The following CCDC13 variants were observed in gnomAD, a reference collection of about 807,000 sequenced individuals.
CCDC13 encodes the protein coiled-coil domain-containing protein 13.
Under a neutral mutation model 87.3 loss-of-function variants are expected in CCDC13, and 70 were observed. The observed-to-expected ratio is 0.80, with a 90% CI of 0.66 to 0.98. CCDC13 has a LOEUF of 0.98. Ranked by LOEUF, CCDC13 falls within the 50% of genes least tolerant of loss-of-function variation. The pLI is 0.00. For synonymous variants in CCDC13, 317 were observed against 360.3 expected (o/e 0.88, Z 1.36); for missense variants, 842 against 892.0 (o/e 0.94, Z 0.71).
chr3:42,756,621 C>T (rs551916535), intron 3 of CCDC13, among the ~76,000 whole-genome samples: 3 of 151,770 alleles, frequency 2.0e-5, no homozygotes, highest in African/African-American at 7.2e-5. Context: ...ATCTCTGTTG[C>T]CCAGGGTTCA....
intron 1 of CCDC13, among the ~76,000 whole-genome samples, chr3:42,770,116 T>C (rs1474016075): frequency 6.6e-6 from 1 of 152,218 alleles, no homozygotes; most frequent in Non-Finnish European, 1.5e-5. Flanking sequence ...TGGGTGAACC[T>C]AGCTGGGCTC....
chr3:42,747,021 T>G, intron 6 of CCDC13: 1 of 624,696 alleles, frequency 1.6e-6, no homozygotes, highest in Admixed American at 2.2e-5. Context: ...CAAGGGCAGG[T>G]ATGCTGCGGG....
chr3:42,746,090 C>T, intron 6 of CCDC13, 63 bp from the exon 7 acceptor site: 1 of 1,191,246 alleles, frequency 8.4e-7, no homozygotes. Flanking sequence ...CCTGATGCTG[C>T]TACGTATTTA....
At chr3:42,725,533 C>CAAAAAAA (rs56224625) in intron 13 of CCDC13, among the ~76,000 whole-genome samples, 2 of 91,496 alleles carry the variant, frequency 2.2e-5, no homozygotes, top group Admixed American at 1.2e-4. Context: ...GACCCTGTCT[C>CAAAAAAA]AAAAAAAAAA....
intron 13 of CCDC13, among the ~76,000 whole-genome samples, chr3:42,721,711 T>C (rs923923647): frequency 1.3e-5 from 2 of 152,268 alleles, no homozygotes; most frequent in African/African-American, 4.8e-5. Context: ...AAATCTGTTT[T>C]CTTTTGCAAC....
At chr3:42,758,062 T>TACGTAC (rs1699742679) in intron 2 of CCDC13, 63 bp downstream of exon 2, 7 of 997,628 alleles carry the variant, frequency 7.0e-6, no homozygotes, top group Admixed American at 2.1e-5. Context: ...GCTCCGGTGG[T>TACGTAC]ACACACACAC....
At chr3:42,711,013 A>AG (rs1444298676) in intron 14 of CCDC13, among the ~76,000 whole-genome samples, 5 of 151,476 alleles carry the variant, frequency 3.3e-5, no homozygotes. Context: ...TGGGAGGTCT[A>AG]GGGGGGTGGA....
At chr3:42,722,769 T>A (rs922364691) in intron 13 of CCDC13, among the ~76,000 whole-genome samples, 4 of 150,516 alleles carry the variant, frequency 2.7e-5, no homozygotes, top group African/African-American at 7.3e-5. Flanking sequence ...GCCTGTGGAG[T>A]AGCCATTCTT....
Position 42,723,124 on chromosome 3 carries a change from C to T in CCDC13, c.1718+7343G>A, listed in dbSNP as rs143534470. 3.7e-3 allele frequency among the ~76,000 whole-genome samples: 569 copies of T among 152,232 alleles called. 2 individuals are homozygous for T. Among genetic ancestry groups the T allele is most frequent in the African/African-American group, 0.013 (529 of 41,532 alleles). On this transcript the variant is annotated intron_variant, in intron 13 of 15. Coordinates refer to ENST00000310232, the MANE Select transcript of CCDC13 (RefSeq NM_144719.4). ...TTCCTTTACTTTCTTAATAAACTTG[C>T]GTTTACTTTGCACTGTGGACTCCGC...
In CCDC13 at chr3:42,709,669, G is replaced by T; in HGVS notation, c.1988+15C>A. The T allele has an allele frequency of 6.2e-7, 1 of 1,600,704 alleles. No homozygotes were observed. The highest frequency in any genetic ancestry group is 8.6e-7 in the Non-Finnish European group (1 of 1,167,884). On this transcript the variant is annotated intron_variant, in intron 15 of 15. Coordinates refer to ENST00000310232, the MANE Select transcript of CCDC13 (RefSeq NM_144719.4). ...GACAACCCTACCCTTTCAGGAAGGC[G>T]GGGCAGGGGAGCACCTGGTTGTCAG...
chr3:42,716,497 C>A (rs1698433028), intron 13 of CCDC13, among the ~76,000 whole-genome samples: 1 of 152,124 alleles, frequency 6.6e-6, no homozygotes, highest in African/African-American at 2.4e-5. Context: ...TACAACTCAA[C>A]AACAGGACAA....
intron 2 of CCDC13, among the ~76,000 whole-genome samples, chr3:42,757,889 C>T (rs574413064): frequency 2.0e-4 from 30 of 152,260 alleles, no homozygotes; most frequent in African/African-American, 7.0e-4. Flanking sequence ...ACACCCTATA[C>T]TCCTAAATTA....
At chr3:42,743,334 G>A (rs1699282276) in intron 7 of CCDC13, among the ~76,000 whole-genome samples, 1 of 151,956 alleles carries the variant, frequency 6.6e-6, no homozygotes, top group Admixed American at 6.6e-5. Flanking sequence ...CAGACCTATG[G>A]CCCCAGGAAC....
Position 42,760,893 on chromosome 3 carries a change from C to T in CCDC13, c.-6-2542G>A, listed in dbSNP as rs998570694. On this transcript the variant is annotated intron_variant, in intron 1 of 15. Transcript: ENST00000310232. The stretch of plus-strand genomic sequence containing the variant: ...AGCATCTTTTCATGTGCTTGTTGAC[C>T]ATGTGTATATCTTCTTTTGTGATGT... 3.3e-5 allele frequency among the ~76,000 whole-genome samples: 5 copies of T among 151,886 alleles called. No homozygotes were observed. In the East Asian group the frequency reaches 5.8e-4, roughly 18 times the overall value.
intron 12 of CCDC13, among the ~76,000 whole-genome samples, chr3:42,731,599 G>A (rs1322292728): frequency 6.6e-6 from 1 of 152,174 alleles, no homozygotes; most frequent in Admixed American, 6.5e-5. Flanking sequence ...CAGGGGCTCT[G>A]TGTGTGCACT....
At chr3:42,735,242 A>G (rs1380528826) in intron 10 of CCDC13, among the ~76,000 whole-genome samples, 1 of 152,240 alleles carries the variant, frequency 6.6e-6, no homozygotes, top group East Asian at 1.9e-4. Context: ...CGGAGCAAGC[A>G]GGAGCTGAAT....
intron 14 of CCDC13, among the ~76,000 whole-genome samples, chr3:42,712,237 T>G: frequency 6.7e-6 from 1 of 148,856 alleles, no homozygotes; most frequent in Non-Finnish European, 1.5e-5. Context: ...GAGGGTGCAG[T>G]GGGGGCAGCA....
chr3:42,711,290 G>A (rs1174511163), intron 14 of CCDC13, among the ~76,000 whole-genome samples: 3 of 149,216 alleles, frequency 2.0e-5, no homozygotes, highest in Non-Finnish European at 3.0e-5. Context: ...TGGTGGTGGC[G>A]AACTTGGGCA....
chr3:42,768,621 C>T (rs755528402), intron 1 of CCDC13, among the ~76,000 whole-genome samples: 4 of 151,696 alleles, frequency 2.6e-5, no homozygotes, highest in Non-Finnish European at 4.4e-5. Context: ...CGCTTGAACC[C>T]GGGAGGTGGA....
Sources: allele counts gnomAD v4.1 joint callset (sites outside exome capture counted in the v4.1 genomes callset), GRCh38; gene constraint gnomAD v4.1.1; transcripts MANE v1.5; gene names NCBI Gene and HGNC (gene_info 2026-07-23, HGNC 2026-07-21).